HTT: variants seen among roughly 807,000 people sequenced by gnomAD.
The protein encoded by HTT is huntingtin.
A neutral mutation model predicts 362.3 loss-of-function variants in HTT; 104 were observed. The ratio of observed to expected loss-of-function variants is 0.29; its 90% CI spans 0.24 to 0.34. The LOEUF (loss-of-function observed/expected upper bound fraction) is 0.34, where lower values mean the gene tolerates loss of function less well. HTT is among the 10% of genes least tolerant of loss of function. HTT has a pLI of 1.00. For missense variants in HTT, 3,301 were observed against 3,928.6 expected (o/e 0.84, Z 4.27); for synonymous variants, 1,577 against 1,548.7 (o/e 1.02, Z -0.43).
Position 3,228,770 on chromosome 4 carries a change from T to C in HTT, c.7979+25T>C. ...GGTTTTCCAATGGCCTTTTTCTTTT[T>C]AACAGAAATTTGAAATTTCTTATCA... is the stretch of plus-strand genomic sequence containing the variant. On this transcript the variant is annotated intron_variant, in intron 58 of 66. Coordinates refer to ENST00000355072, the MANE Select transcript of HTT (RefSeq NM_001388492.1). The surrounding 1 kb of genome is among the most constrained non-coding windows in gnomAD (Gnocchi z 4.3). 6.4e-7 allele frequency: 1 copy of C among 1,566,216 alleles called. No homozygotes were observed. The highest frequency in any genetic ancestry group is 8.7e-7 in the Non-Finnish European group (1 of 1,152,896).
intron 52 of HTT, among the ~76,000 whole-genome samples, chr4:3,219,220 C>T (rs1338107100): frequency 2.6e-5 from 4 of 152,144 alleles, no homozygotes; most frequent in African/African-American, 7.2e-5. Flanking sequence ...TGGTGCACAG[C>T]GAGTCACTGT....
intron 11 of HTT, among the ~76,000 whole-genome samples, 199 bp from the exon 12 acceptor site, chr4:3,127,065 A>G (rs1030186914): frequency 1.3e-5 from 2 of 152,200 alleles, no homozygotes; most frequent in Non-Finnish European, 1.5e-5. Context: ...GCCTTATTTT[A>G]TAAGGTGGGT....
intron 2 of HTT, among the ~76,000 whole-genome samples, chr4:3,091,978 C>G (rs1713532824): frequency 6.6e-6 from 1 of 152,046 alleles, no homozygotes; most frequent in African/African-American, 2.4e-5. Context: ...TAAAAATAAC[C>G]TTAATGGCCT....
Position 3,099,196 on chromosome 4 carries a change from A to G in HTT, c.348-78A>G, listed in dbSNP as rs952929263. ...TTTCTGTTCCAGAATTCCATGCAGG[A>G]CACCGGATACCTCATTACATTTCAT... On this transcript the variant is annotated intron_variant, in intron 2 of 66. Coordinates refer to ENST00000355072, the MANE Select transcript of HTT (RefSeq NM_001388492.1). 9.8e-6 allele frequency: 9 copies of G among 921,572 alleles called. No individual in the cohort carries two copies. The African/African-American group carries it at 1.3e-4, about 13-fold the overall frequency. The allele number at this position is 921,572 out of a possible 1,614,324, so 57.1% of individuals were successfully genotyped here. A position where few individuals can be genotyped will look rare whatever the true frequency, so the allele number is the denominator to read the frequency against.
chr4:3,115,498 C>G, intron 7 of HTT, 53 bp downstream of exon 7: 1 of 1,409,840 alleles, frequency 7.1e-7, no homozygotes, highest in Non-Finnish European at 9.9e-7. Flanking sequence ...TCAAGATAGA[C>G]CTTTGAAATA....
chr4:3,153,205 A>T (rs1489510642), intron 26 of HTT, among the ~76,000 whole-genome samples: 5 of 152,006 alleles, frequency 3.3e-5, no homozygotes, highest in Non-Finnish European at 7.4e-5. Flanking sequence ...GGGGCCTCTT[A>T]TATATGGATG....
rs1346130203 is a variant in HTT at position 3,182,675 on chromosome 4, G to GA, written c.4866+206dup. Reference sequence around the variant, plus strand: ...TATTGCCCACCTACTTTACAGGGGGGATCCCACAGCTCCGAGAGGTTATGG... The same window carrying GA: ...TATTGCCCACCTACTTTACAGGGGGGAATCCCACAGCTCCGAGAGGTTATGG... On this transcript the variant is annotated intron_variant, in intron 37 of 66. Transcript: ENST00000355072. 3.3e-5 allele frequency among the ~76,000 whole-genome samples: 5 copies of GA among 152,244 alleles called. No homozygotes were observed. In the East Asian group the frequency reaches 5.8e-4, roughly 18 times the overall value.
chr4:3,194,201 A>G (rs574909447), intron 40 of HTT, among the ~76,000 whole-genome samples: 7 of 152,348 alleles, frequency 4.6e-5, no homozygotes, highest in Non-Finnish European at 1.0e-4. Flanking sequence ...AGGCGTGGGT[A>G]CTTCTTAAAT....
intron 1 of HTT, among the ~76,000 whole-genome samples, chr4:3,076,669 A>G (rs767925801): frequency 5.3e-5 from 8 of 152,204 alleles, no homozygotes; most frequent in Non-Finnish European, 1.0e-4. Flanking sequence ...TAAACACTAA[A>G]CAGGGCTCCT....
intron 41 of HTT, among the ~76,000 whole-genome samples, chr4:3,200,896 C>T (rs1374355302): frequency 2.6e-5 from 4 of 152,226 alleles, no homozygotes; most frequent in African/African-American, 9.6e-5. Flanking sequence ...TAGTTCTGTG[C>T]TGCTTTAACG....
intron 3 of HTT, among the ~76,000 whole-genome samples, chr4:3,100,309 A>G (rs1359601363): frequency 6.6e-6 from 1 of 152,220 alleles, no homozygotes; most frequent in Admixed American, 6.5e-5. Context: ...TCTTATTAAT[A>G]ATGACATCCT....
chr4:3,082,147 T>A (rs1271076129), intron 1 of HTT, among the ~76,000 whole-genome samples: 1 of 151,264 alleles, frequency 6.6e-6, no homozygotes, highest in Non-Finnish European at 1.5e-5. Context: ...GTGTCATAGA[T>A]ATTGTTCCAT....
At position 3,212,620 on chromosome 4, in the gene HTT, C is replaced by T. The variant is rs2110276710; in HGVS notation, c.6685C>T (p.Leu2229=). 5.0e-6 allele frequency: 8 copies of T among 1,614,234 alleles called. No individual in the cohort carries two copies. The highest frequency in any genetic ancestry group is 6.8e-6 in the Non-Finnish European group (8 of 1,180,040). Residue 2229 remains leucine, a synonymous_variant, in exon 49 of 67, where the codon CTG becomes TTG. Transcript: ENST00000355072. The part of the protein sequence containing the change: ...PTLARALAQY[L]VVVSKLPSHL... The stretch of plus-strand genomic sequence containing the variant: ...TCTGGCCCGGGCCCTGGCACAGTAC[C>T]TGGTGGTGGTCTCCAAACTGCCCAG...
chr4:3,162,485 G>A (rs1209193855), intron 29 of HTT, among the ~76,000 whole-genome samples: 2 of 152,148 alleles, frequency 1.3e-5, no homozygotes, highest in East Asian at 3.8e-4. Flanking sequence ...TTGATGGGGG[G>A]ATAGCATTGA....
intron 65 of HTT, 91 bp from the exon 66 acceptor site, chr4:3,238,727 C>G: frequency 7.9e-7 from 1 of 1,258,602 alleles, no homozygotes; most frequent in South Asian, 1.4e-5. Flanking sequence ...AGCAATGCCT[C>G]TGGCCCCCAC....
Position 3,074,917 on chromosome 4 carries a change from AGC to A in HTT, c.93_94del (p.Gln32AlafsTer50), listed in dbSNP as rs1560534953. On this transcript the variant is annotated frameshift_variant, in exon 1 of 67. Transcript: ENST00000355072. LOFTEE classifies it high-confidence loss of function. ...CAGCAGCAGCAGCAGCAGCAGCAGC[AGC>A]AGCAGCAGCAGCAGCAACAGCCGCC... 4.0e-4 allele frequency: 593 copies of A among 1,493,480 alleles called. No homozygotes were observed. Among genetic ancestry groups the A allele is most frequent in the African/African-American group, 1.4e-3 (95 of 67,402 alleles). 92.5% of individuals were successfully genotyped at this position (1,493,480 alleles called of 1,614,324 possible). A position where few individuals can be genotyped will look rare whatever the true frequency, so the allele number is the denominator to read the frequency against.
intron 40 of HTT, among the ~76,000 whole-genome samples, chr4:3,197,302 T>G (rs1269368779): frequency 1.3e-5 from 2 of 152,098 alleles, no homozygotes; most frequent in African/African-American, 4.8e-5. Flanking sequence ...GCATCCAGCT[T>G]CTCGACACGG....
rs765073592 is a variant in HTT, at chr4:3,121,281, C to G, written c.1122C>G (p.Thr374=). 6.2e-7 allele frequency: 1 copy of G among 1,614,136 alleles called. No individual in the cohort carries two copies. Among genetic ancestry groups the G allele is most frequent in the Admixed American group, 1.7e-5 (1 of 60,018 alleles). ...HTQHQDHNVV[T]GALELLQQLF... ...AGCACCAAGACCACAATGTTGTGAC[C>G]GGAGCCCTGGAGCTGTTGCAGCAGC... is the stretch of plus-strand genomic sequence containing the variant. The change falls in exon 9 of 67, where the codon ACC becomes ACG. Residue 374 remains threonine (T), a synonymous_variant. Transcript: ENST00000355072.
At chr4:3,234,144 G>T (rs1721402166) in intron 61 of HTT, among the ~76,000 whole-genome samples, 1 of 152,264 alleles carries the variant, frequency 6.6e-6, no homozygotes, top group East Asian at 1.9e-4. Context: ...TTGAGTGGAA[G>T]ACCTGGAGGG....
Sources: allele counts gnomAD v4.1 joint callset (sites outside exome capture counted in the v4.1 genomes callset), GRCh38; gene constraint gnomAD v4.1.1; non-coding constraint Gnocchi (gnomAD v3.1); transcripts MANE v1.5; gene names NCBI Gene and HGNC (gene_info 2026-07-23, HGNC 2026-07-21).